The following CORIN variants were observed in gnomAD, a reference collection of about 807,000 sequenced individuals.
CORIN encodes the protein atrial natriuretic peptide-converting enzyme.
A neutral mutation model predicts 125.3 loss-of-function variants in CORIN; 117 were observed. The observed-to-expected ratio is 0.93, with a 90% CI of 0.80 to 1.09. The LOEUF (loss-of-function observed/expected upper bound fraction) is 1.09, where lower values mean the gene tolerates loss of function less well. Among genes scored for constraint, CORIN ranks in the 50% least tolerant of loss-of-function variants. The probability of loss-of-function intolerance (pLI) is 0.00; values close to 1 mark genes in which losing one functional copy is unlikely to be tolerated. For synonymous variants in CORIN, 450 were observed against 466.4 expected, an observed-to-expected ratio of 0.96 and a Z score of 0.45; for missense variants, 1,253 against 1,306.7, an observed-to-expected ratio of 0.96 and a Z score of 0.63.
At chr4:47,743,315 C>T (rs1048850828) in intron 5 of CORIN, among the ~76,000 whole-genome samples, 1 of 152,112 alleles carries the variant, frequency 6.6e-6, no homozygotes, top group East Asian at 1.9e-4. Flanking sequence ...GAGATCTTTG[C>T]AATACATATA....
chr4:47,607,559 C>A (rs1323700027), intron 19 of CORIN, among the ~76,000 whole-genome samples: 1 of 151,902 alleles, frequency 6.6e-6, no homozygotes, highest in Non-Finnish European at 1.5e-5. Context: ...TCCTGTCAAC[C>A]CGGGTATGGC....
chr4:47,791,625 G>A (rs533409288), intron 2 of CORIN, among the ~76,000 whole-genome samples: 11 of 152,266 alleles, frequency 7.2e-5, no homozygotes, highest in African/African-American at 2.4e-4. Context: ...GAGTGAATTA[G>A]CTTGCTCAAG....
At chr4:47,684,548 T>A (rs1173675619) in intron 6 of CORIN, among the ~76,000 whole-genome samples, 2 of 152,220 alleles carry the variant, frequency 1.3e-5, no homozygotes, top group African/African-American at 4.8e-5. Flanking sequence ...TGTGTTATTG[T>A]TAGTTCAAGT....
chr4:47,618,470 GA>G (rs1465973395), intron 19 of CORIN, among the ~76,000 whole-genome samples: 2 of 152,046 alleles, frequency 1.3e-5, no homozygotes, highest in Non-Finnish European at 2.9e-5. Context: ...AGGTCCTAGT[GA>G]AAAGACTGAA....
intron 5 of CORIN, among the ~76,000 whole-genome samples, chr4:47,700,725 T>C (rs1726247240): frequency 6.6e-6 from 1 of 152,140 alleles, no homozygotes. Context: ...ACACAGCCAT[T>C]CCTTTTGGAG....
intron 2 of CORIN, among the ~76,000 whole-genome samples, chr4:47,788,763 C>T (rs1730932811): frequency 6.6e-6 from 1 of 152,132 alleles, no homozygotes. Context: ...TATATAGGCC[C>T]ATTAAGTTGA....
In CORIN at chr4:47,669,716, C is replaced by A. The variant is rs537460372; in HGVS notation, c.1358-4453G>T. On this transcript the variant is annotated intron_variant, in intron 10 of 21. Coordinates refer to ENST00000273857, the MANE Select transcript of CORIN (RefSeq NM_006587.4). ...CCCGAGTAGCTGGGACTACAGGTGCCCACCACCACGTCCAGCTAATTTTTT... is the reference window on the plus strand; with the variant it reads ...CCCGAGTAGCTGGGACTACAGGTGCACACCACCACGTCCAGCTAATTTTTT... 2.6e-4 allele frequency among the ~76,000 whole-genome samples: 39 copies of A among 152,044 alleles called. 1 individual carries two copies. The South Asian group carries it at 7.7e-3, about 30-fold the overall frequency.
At chr4:47,646,882 A>G (rs1323737792) in intron 13 of CORIN, among the ~76,000 whole-genome samples, 11 of 152,210 alleles carry the variant, frequency 7.2e-5, no homozygotes, top group Admixed American at 6.5e-5. Flanking sequence ...TGATTGACTC[A>G]GGTTTCTTGG....
intron 16 of CORIN, among the ~76,000 whole-genome samples, chr4:47,631,639 G>A (rs902148002): frequency 3.3e-5 from 5 of 152,020 alleles, no homozygotes; most frequent in African/African-American, 4.8e-5. Context: ...TAAATGTAAC[G>A]TGCTTGAATC....
Position 47,623,096 on chromosome 4 carries a change from CTATATA to C in CORIN, c.2540+469_2540+474del, listed in dbSNP as rs1553904935. Among the ~76,000 whole-genome samples, 18 of 102,302 alleles carry C rather than the reference CTATATA, an allele frequency of 1.8e-4. 1 individual carries two copies. Among genetic ancestry groups the C allele is most frequent in the Non-Finnish European group, 2.7e-4 (15 of 55,086 alleles). The allele number at this position is 102,302 out of a possible 152,430, so 67.1% of individuals were successfully genotyped here. A position where few individuals can be genotyped will look rare whatever the true frequency, so the allele number is the denominator to read the frequency against. On this transcript the variant is annotated intron_variant, in intron 19 of 21. Coordinates refer to ENST00000273857, the MANE Select transcript of CORIN (RefSeq NM_006587.4). Reference sequence around the variant, plus strand: ...TCTCTCTCTCTCTCTCTCTCTCTCTCTATATATATATATATATATATACACACACAC... The same window carrying C: ...TCTCTCTCTCTCTCTCTCTCTCTCTCTATATATATATATATACACACACAC...
intron 12 of CORIN, 90 bp downstream of exon 12, chr4:47,661,621 A>G: frequency 8.2e-7 from 1 of 1,220,128 alleles, no homozygotes; most frequent in Non-Finnish European, 1.1e-6. Flanking sequence ...AAAACAAACA[A>G]ACAAGAAGCC....
rs542993359 is a variant in CORIN, at chr4:47,603,262, C to T, written c.2812+135G>A. ...AAGGACATGTTTGCTTCCCCTTCCG[C>T]CATGATTGTAGGTTTCCTGAGGCCT... is the stretch of plus-strand genomic sequence containing the variant. On this transcript the variant is annotated intron_variant, in intron 20 of 21. Transcript: ENST00000273857. 110 of 847,066 alleles carry T rather than the reference C, an allele frequency of 1.3e-4. No homozygotes were observed. The African/African-American group carries it at 1.6e-3, about 13-fold the overall frequency. 52.5% of individuals were successfully genotyped at this position (847,066 alleles called of 1,614,324 possible).
rs761481847 is a variant in CORIN, at chr4:47,683,830, C to T, written c.922G>A (p.Glu308Lys). ...WSDEAHCNCS[E>K]NLFHCHTGKC... ...CCTGTGTGACAGTGAAACAGATTCT[C>T]GCTGCAGTCTGCAAATAAAAGAAGC... The change falls in exon 7 of 22, where the codon GAG becomes AAG. Residue 308 changes from glutamate (E) to lysine (K), a missense_variant. Transcript: ENST00000273857. 5.6e-6 allele frequency: 9 copies of T among 1,610,822 alleles called. No individual in the cohort carries two copies. Among genetic ancestry groups the T allele is most frequent in the Non-Finnish European group, 7.6e-6 (9 of 1,178,776 alleles).
At chr4:47,623,985 T>C in intron 17 of CORIN, 37 bp from the exon 18 acceptor site, 5 of 1,564,254 alleles carry the variant, frequency 3.2e-6, no homozygotes, top group Non-Finnish European at 4.4e-6. Flanking sequence ...AACATTAAGT[T>C]ACATATTTCT....
intron 2 of CORIN, among the ~76,000 whole-genome samples, chr4:47,804,734 G>A (rs1474163904): frequency 9.6e-6 from 1 of 103,882 alleles, no homozygotes; most frequent in Non-Finnish European, 2.0e-5. Flanking sequence ...TGGGGGGTGG[G>A]GAGGGGGGGG....
chr4:47,742,831 A>G (rs944563583), intron 5 of CORIN, among the ~76,000 whole-genome samples: 3 of 152,158 alleles, frequency 2.0e-5, no homozygotes, highest in Non-Finnish European at 2.9e-5. Flanking sequence ...GAGGACATAT[A>G]ATATTCAATA....
chr4:47,786,589 C>T (rs1390405923), intron 3 of CORIN, 136 bp downstream of exon 3: 5 of 676,292 alleles, frequency 7.4e-6, no homozygotes, highest in African/African-American at 3.6e-5. Context: ...CACTCAGCTA[C>T]GCTTACCAGG....
At chr4:47,644,184 C>T (rs1723364750) in intron 14 of CORIN, among the ~76,000 whole-genome samples, 2 of 152,224 alleles carry the variant, frequency 1.3e-5, no homozygotes, top group African/African-American at 2.4e-5. Context: ...CCAAAGTTGA[C>T]CTGAGCGAAT....
intron 5 of CORIN, among the ~76,000 whole-genome samples, chr4:47,722,723 T>G (rs1178634061): frequency 6.6e-6 from 1 of 152,170 alleles, no homozygotes; most frequent in Non-Finnish European, 1.5e-5. Context: ...AAATTTGAAG[T>G]GAAACGTGGG....
Sources: allele counts gnomAD v4.1 joint callset (sites outside exome capture counted in the v4.1 genomes callset), GRCh38; gene constraint gnomAD v4.1.1; transcripts MANE v1.5; gene names NCBI Gene and HGNC (gene_info 2026-07-23, HGNC 2026-07-21).